The following SULF2 variants were observed in gnomAD, a reference collection of about 807,000 sequenced individuals.
SULF2 encodes extracellular sulfatase Sulf-2.
A neutral mutation model predicts 107.7 loss-of-function variants in SULF2; 52 were observed. The observed-to-expected ratio is 0.48, with a 90% CI of 0.39 to 0.61. SULF2 has a LOEUF of 0.61. Among genes scored for constraint, SULF2 ranks in the 20% least tolerant of loss-of-function variants. SULF2 has a pLI of 0.00. For synonymous variants in SULF2, 460 were observed against 464.3 expected (o/e 0.99, Z 0.12); for missense variants, 993 against 1,177.3 (o/e 0.84, Z 2.29).
chr20:47,732,119 C>T (rs577604302), intron 3 of SULF2, among the ~76,000 whole-genome samples: 15 of 152,142 alleles, frequency 9.9e-5, no homozygotes, highest in African/African-American at 2.7e-4. Context: ...TGGTCTCGAA[C>T]CCCTGGCCTC....
intron 2 of SULF2, among the ~76,000 whole-genome samples, chr20:47,751,479 T>C (rs115323143): frequency 2.6e-3 from 398 of 152,276 alleles, no homozygotes; most frequent in African/African-American, 9.0e-3. Context: ...TACTCTCTTC[T>C]AGGTGAGAGA....
At chr20:47,778,760 G>A (rs909171908) in intron 1 of SULF2, among the ~76,000 whole-genome samples, 3 of 152,206 alleles carry the variant, frequency 2.0e-5, no homozygotes, top group Non-Finnish European at 2.9e-5. Flanking sequence ...GGAACTTCTT[G>A]GAAATGTCAG....
intron 1 of SULF2, among the ~76,000 whole-genome samples, chr20:47,772,810 AT>A (rs747284625): frequency 6.6e-6 from 1 of 152,204 alleles, no homozygotes; most frequent in Non-Finnish European, 1.5e-5. Flanking sequence ...GATCCAGTCA[AT>A]GGGACCTGGT....
At chr20:47,697,634 G>A (rs1343251120) in intron 4 of SULF2, among the ~76,000 whole-genome samples, 1 of 152,196 alleles carries the variant, frequency 6.6e-6, no homozygotes, top group Non-Finnish European at 1.5e-5. Flanking sequence ...CCACGTCCCT[G>A]TTAGAGCATC....
At chr20:47,760,334 T>TACCC (rs1337711563) in intron 1 of SULF2, among the ~76,000 whole-genome samples, 1 of 152,126 alleles carries the variant, frequency 6.6e-6, no homozygotes, top group Non-Finnish European at 1.5e-5. Context: ...GGGAAGTCCG[T>TACCC]GCATTTATTC....
At chr20:47,748,907 C>T (rs1473292164) in intron 2 of SULF2, among the ~76,000 whole-genome samples, 3 of 152,214 alleles carry the variant, frequency 2.0e-5, no homozygotes, top group East Asian at 1.9e-4. Flanking sequence ...ACACTTAAAC[C>T]GTCTTCCAAT....
intron 2 of SULF2, among the ~76,000 whole-genome samples, chr20:47,755,682 C>T (rs2090264651): frequency 6.6e-6 from 1 of 152,174 alleles, no homozygotes; most frequent in African/African-American, 2.4e-5. Flanking sequence ...TGTTTCTGCC[C>T]TTACCCCTGC....
rs112365798 is a variant in SULF2 at position 47,693,342 on chromosome 20, A to C, written c.568-3047T>G. Among the ~76,000 whole-genome samples the C allele has an allele frequency of 4.9e-3, 742 of 152,288 alleles. 8 individuals carry two copies. Among genetic ancestry groups the C allele is most frequent in the African/African-American group, 0.017 (695 of 41,558 alleles). ...AATGAGATGGAACCGCCAGTGGTGGACACTTGCTGCCACCCGCCAGTGGGG... is the reference window on the plus strand; with the variant it reads ...AATGAGATGGAACCGCCAGTGGTGGCCACTTGCTGCCACCCGCCAGTGGGG... On this transcript the variant is annotated intron_variant, in intron 4 of 20. Transcript: ENST00000688720.
chr20:47,769,359 A>ATTTTTT (rs71183279), intron 1 of SULF2, among the ~76,000 whole-genome samples: 1 of 128,574 alleles, frequency 7.8e-6, no homozygotes, highest in Non-Finnish European at 1.7e-5. Flanking sequence ...TAATTTTTGT[A>ATTTTTT]TTTTTTTTTT....
At chr20:47,741,366 C>CCT (rs1472399379) in intron 2 of SULF2, among the ~76,000 whole-genome samples, 1 of 152,026 alleles carries the variant, frequency 6.6e-6, no homozygotes, top group African/African-American at 2.4e-5. Context: ...GCCTGGAAGA[C>CCT]CTCTCCCCCG....
chr20:47,760,270 G>A (rs1365113789), intron 1 of SULF2, among the ~76,000 whole-genome samples: 3 of 152,138 alleles, frequency 2.0e-5, no homozygotes, highest in Non-Finnish European at 4.4e-5. Flanking sequence ...TGGCACGGTC[G>A]GCACGTCCCT....
At chr20:47,676,665 C>T in intron 9 of SULF2, 42 bp from the exon 10 acceptor site, 2 of 1,545,706 alleles carry the variant, frequency 1.3e-6, no homozygotes, top group Non-Finnish European at 1.7e-6. Context: ...GGCCTCTCAG[C>T]TCTGGAGGAG....
At chr20:47,744,603 G>A (rs1305222243) in intron 2 of SULF2, among the ~76,000 whole-genome samples, 3 of 152,036 alleles carry the variant, frequency 2.0e-5, no homozygotes, top group Non-Finnish European at 4.4e-5. Context: ...ATAGATGACC[G>A]AAAAATCTAT....
chr20:47,737,541 G>A (rs757933534), intron 2 of SULF2, among the ~76,000 whole-genome samples: 1 of 151,898 alleles, frequency 6.6e-6, no homozygotes, highest in Non-Finnish European at 1.5e-5. Flanking sequence ...CACAAACCCT[G>A]CTGGCCTCTT....
chr20:47,756,221 T>TG (rs1264004783), intron 2 of SULF2, among the ~76,000 whole-genome samples: 1 of 152,162 alleles, frequency 6.6e-6, no homozygotes, highest in East Asian at 1.9e-4. Flanking sequence ...CACACCTCTC[T>TG]GGCCACAGTC....
chr20:47,706,574 G>A (rs1406255063), intron 3 of SULF2: 1 of 152,276 alleles, frequency 6.6e-6, no homozygotes, highest in Admixed American at 6.5e-5. Context: ...TCCATTGGCT[G>A]TGGTTTGCTG....
intron 11 of SULF2, among the ~76,000 whole-genome samples, chr20:47,668,919 C>T (rs2087371215): frequency 6.6e-6 from 1 of 152,214 alleles, no homozygotes; most frequent in Non-Finnish European, 1.5e-5. Flanking sequence ...TGTACTCCAT[C>T]TTCCTCCTCC....
chr20:47,763,686 C>T (rs1469539913), intron 1 of SULF2, among the ~76,000 whole-genome samples: 6 of 152,250 alleles, frequency 3.9e-5, no homozygotes, highest in East Asian at 1.9e-4. Context: ...GATCATTTCT[C>T]TCTCTTCCTT....
intron 7 of SULF2, among the ~76,000 whole-genome samples, chr20:47,681,660 C>T (rs143865331): frequency 6.6e-5 from 10 of 152,304 alleles, no homozygotes; most frequent in East Asian, 1.9e-4. Context: ...TGAGCATCCA[C>T]GTCACAGGGC....
Sources: gnomAD v4.1 joint callset for allele counts (sites outside exome capture counted in the v4.1 genomes callset) on GRCh38, gnomAD v4.1.1 for gene constraint, MANE v1.5 for transcripts, NCBI Gene and HGNC (gene_info 2026-07-23, HGNC 2026-07-21) for gene names.